The following RARB variants were observed in gnomAD, a reference collection of about 807,000 sequenced individuals.
RARB encodes retinoic acid receptor beta, also known as HBV-activated protein.
In RARB, 17 loss-of-function variants were observed where a neutral mutation model predicts 51.9. That is an observed-to-expected ratio of 0.33 (90% CI 0.22 to 0.49). The LOEUF (loss-of-function observed/expected upper bound fraction) is 0.49. Among genes scored for constraint, RARB ranks in the 20% least tolerant of loss-of-function variants. The probability of loss-of-function intolerance (pLI) is 0.99; values close to 1 mark genes in which losing one functional copy is unlikely to be tolerated. For missense variants in RARB, 369 were observed against 550.8 expected (o/e 0.67, Z 3.30); for synonymous variants, 215 against 195.4 (o/e 1.10, Z -0.84).
chr3:24,995,012 C>T (rs115342535), intron 2 of RARB, among the ~76,000 whole-genome samples: 1,870 of 152,040 alleles, frequency 0.012, 34 homozygotes, highest in East Asian at 0.054. Flanking sequence ...GATATTTTTT[C>T]TATTTCTGTG....
intron 5 of RARB, among the ~76,000 whole-genome samples, chr3:25,302,897 A>G (rs946319680): frequency 6.6e-6 from 1 of 152,186 alleles, no homozygotes; most frequent in African/African-American, 2.4e-5. Context: ...GCTATTCCCC[A>G]TTTGTCACAG....
At chr3:25,103,019 G>C (rs1411612047) in intron 3 of RARB, among the ~76,000 whole-genome samples, 2 of 152,128 alleles carry the variant, frequency 1.3e-5, no homozygotes, top group Middle Eastern at 6.3e-3. Context: ...CACTGCACTA[G>C]AACTGCTAGA....
chr3:24,966,618 C>CTCTCTCTT (rs1042441494), intron 2 of RARB, among the ~76,000 whole-genome samples: 14 of 144,010 alleles, frequency 9.7e-5, no homozygotes, highest in Admixed American at 2.0e-4. Context: ...CTCTCTCTCT[C>CTCTCTCTT]TCTCTCTCTC....
intron 5 of RARB, among the ~76,000 whole-genome samples, chr3:25,588,721 G>A (rs868496210): frequency 3.3e-5 from 5 of 152,102 alleles, no homozygotes; most frequent in Non-Finnish European, 7.3e-5. Flanking sequence ...CTCCACAATC[G>A]CTCATCACAT....
At chr3:25,502,898 C>T (rs551599244) in intron 3 of RARB, among the ~76,000 whole-genome samples, 1 of 152,280 alleles carries the variant, frequency 6.6e-6, no homozygotes, top group African/African-American at 2.4e-5. Context: ...CCAGCCAACC[C>T]TATGAAACCA....
chr3:24,979,001 C>T (rs899754212), intron 2 of RARB, among the ~76,000 whole-genome samples: 17 of 152,082 alleles, frequency 1.1e-4, no homozygotes, highest in Non-Finnish European at 1.2e-4. Context: ...GCCTTAATTT[C>T]ATTATTTACC....
intron 2 of RARB, among the ~76,000 whole-genome samples, chr3:24,907,385 G>A (rs1052379704): frequency 3.3e-5 from 5 of 152,192 alleles, no homozygotes; most frequent in African/African-American, 1.2e-4. Flanking sequence ...AGTATCGCTG[G>A]ATTAGAAAAG....
intron 5 of RARB, among the ~76,000 whole-genome samples, chr3:25,300,779 C>T (rs1239857143): frequency 1.3e-5 from 2 of 152,034 alleles, no homozygotes; most frequent in East Asian, 3.9e-4. Flanking sequence ...TGCCTGAGCT[C>T]AGGAGTTTGC....
intron 3 of RARB, among the ~76,000 whole-genome samples, chr3:25,068,669 C>T (rs1262540680): frequency 6.6e-6 from 1 of 152,094 alleles, no homozygotes; most frequent in Non-Finnish European, 1.5e-5. Flanking sequence ...CTTGACTGGG[C>T]TTATATGTCC....
intron 4 of RARB, among the ~76,000 whole-genome samples, chr3:25,162,570 A>C (rs1166957841): frequency 1.3e-5 from 2 of 152,228 alleles, no homozygotes; most frequent in South Asian, 2.1e-4. Context: ...ACTCATTAGC[A>C]GTCACCCTCT....
chr3:25,014,180 C>T (rs1330131892), intron 2 of RARB, among the ~76,000 whole-genome samples: 1 of 152,014 alleles, frequency 6.6e-6, no homozygotes, highest in Admixed American at 6.6e-5. Context: ...TCTTCACTTT[C>T]GCATGCCTTT....
At chr3:25,452,098 C>A (rs904960771) in intron 1 of RARB, among the ~76,000 whole-genome samples, 1 of 152,118 alleles carries the variant, frequency 6.6e-6, no homozygotes, top group Non-Finnish European at 1.5e-5. Context: ...CTGATGCCTC[C>A]ACGTTCAGAT....
chr3:25,588,612 T>C (rs1417932065), intron 5 of RARB, among the ~76,000 whole-genome samples: 1 of 152,278 alleles, frequency 6.6e-6, no homozygotes, highest in East Asian at 1.9e-4. Context: ...ACTGACTTCA[T>C]TGGGTGGTTC....
chr3:24,937,757 C>T (rs536696142), intron 2 of RARB, among the ~76,000 whole-genome samples: 13 of 151,982 alleles, frequency 8.6e-5, no homozygotes, highest in Non-Finnish European at 1.9e-4. Context: ...GTGGGTGGAG[C>T]GAGTTGGGCC....
chr3:24,909,063 A>G (rs1279315450), intron 2 of RARB, among the ~76,000 whole-genome samples: 1 of 152,180 alleles, frequency 6.6e-6, no homozygotes, highest in African/African-American at 2.4e-5. Context: ...TCCAAAAGGC[A>G]TCATTTTTAC....
intron 2 of RARB, among the ~76,000 whole-genome samples, chr3:25,496,072 C>T (rs1468702322): frequency 1.3e-5 from 2 of 152,144 alleles, no homozygotes; most frequent in East Asian, 1.9e-4. Flanking sequence ...AATGATATCA[C>T]CCTCAAGGAA....
At chr3:25,178,076 T>C (rs145969189) in intron 5 of RARB, among the ~76,000 whole-genome samples, 5 of 152,116 alleles carry the variant, frequency 3.3e-5, no homozygotes, top group Admixed American at 6.5e-5. Flanking sequence ...TGTGGAATAA[T>C]TGGCTATTGG....
chr3:25,123,356 T>C (rs1699813503), intron 3 of RARB, among the ~76,000 whole-genome samples: 1 of 152,224 alleles, frequency 6.6e-6, no homozygotes, highest in Admixed American at 6.5e-5. Flanking sequence ...GTGGTTTCTT[T>C]GGCAATATGA....
chr3:24,975,454 A>G (rs1484502840), intron 2 of RARB, among the ~76,000 whole-genome samples: 1 of 152,162 alleles, frequency 6.6e-6, no homozygotes, highest in Non-Finnish European at 1.5e-5. Flanking sequence ...CTAATGAATT[A>G]TCATTGTTGT....
Sources: gnomAD v4.1 joint callset for allele counts (sites outside exome capture counted in the v4.1 genomes callset) on GRCh38, gnomAD v4.1.1 for gene constraint, MANE v1.5 for transcripts, NCBI Gene and HGNC (gene_info 2026-07-23, HGNC 2026-07-21) for gene names.